The following ZNF34 variants were observed in gnomAD, a reference collection of about 807,000 sequenced individuals.
The protein encoded by ZNF34 is zinc finger protein 34.
In ZNF34, 8 loss-of-function variants were observed where a neutral mutation model predicts 14.4. The ratio of observed to expected loss-of-function variants is 0.55; its 90% CI spans 0.33 to 1.00. ZNF34 has a LOEUF of 1.00. Ranked by LOEUF, ZNF34 falls within the 50% of genes least tolerant of loss-of-function variation. The pLI, the probability that ZNF34 is intolerant of heterozygous loss-of-function variation, is 0.03. For synonymous variants in ZNF34, 235 were observed against 247.9 expected, an observed-to-expected ratio of 0.95 and a Z score of 0.49; for missense variants, 538 against 674.2, an observed-to-expected ratio of 0.80 and a Z score of 2.24.
intron 1 of ZNF34, among the ~76,000 whole-genome samples, chr8:144,780,995 G>A (rs1007252079): frequency 2.6e-5 from 4 of 151,066 alleles, no homozygotes; most frequent in Admixed American, 6.6e-5. Flanking sequence ...AATTAGCCGG[G>A]CGTGGTGGCG....
chr8:144,778,089 C>T lies in ZNF34; in HGVS notation c.109G>A (p.Gly37Ser). 5 of 1,614,058 alleles carry T rather than the reference C, an allele frequency of 3.1e-6. No homozygotes were observed. Among genetic ancestry groups the T allele is most frequent in the Non-Finnish European group, 4.2e-6 (5 of 1,179,958 alleles). The part of the protein sequence containing the change: ...EWGRLGPAQR[G>S]LYRDVMLETY... ...TCCAGCATCACGTCCCTGTAGAGGC[C>T]CCTCTGAGCAGGGCCCAGGCGGCCC... The change falls in exon 4 of 6, where the codon GGC (glycine) becomes AGC (serine). Residue 37 changes from glycine to serine, a missense_variant. By Grantham distance (56) the Gly-to-Ser change is moderately conservative. This residue lies in a region of ZNF34 where 431 missense variants were observed against 525.7 expected (regional missense o/e 0.82). Transcript: ENST00000429371.
chr8:144,774,716 A>G lies in ZNF34; in HGVS notation c.281-111T>C. ...CCAATTTGATCATCTCCAAAGTCCC[A>G]ACAGCCTTGCAAAGATAAGAGCCTG... On this transcript the variant is annotated intron_variant, in intron 5 of 5. Transcript: ENST00000429371. 3.8e-6 allele frequency: 5 copies of G among 1,304,014 alleles called. No homozygotes were observed. The South Asian group carries it at 7.2e-5, about 19-fold the overall frequency. 80.8% of individuals were successfully genotyped at this position (1,304,014 alleles called of 1,614,324 possible).
intron 1 of ZNF34, among the ~76,000 whole-genome samples, chr8:144,782,531 C>G (rs989066629): frequency 6.6e-6 from 1 of 151,274 alleles, no homozygotes; most frequent in Non-Finnish European, 1.5e-5. Flanking sequence ...AAATCAGATA[C>G]AGAATAAGAA....
In ZNF34 at chr8:144,774,568, T is replaced by C. The variant is rs1293467252; in HGVS notation, c.318A>G (p.Ser106=). 4 of 1,613,934 alleles carry C rather than the reference T, an allele frequency of 2.5e-6. No individual in the cohort carries two copies. In the South Asian group the frequency reaches 4.4e-5, roughly 18 times the overall value. Residue 106 remains serine, a synonymous_variant, in exon 6 of 6, where the codon TCA becomes TCG. Coordinates refer to ENST00000429371, the MANE Select transcript of ZNF34 (RefSeq NM_001286769.2). Reference sequence around the variant, plus strand: ...GATCTTCCTCACCAAATGTCTCCTGTGAAGTCAACTCCTTGTACTCAGTTC... The same window carrying C: ...GATCTTCCTCACCAAATGTCTCCTGCGAAGTCAACTCCTTGTACTCAGTTC... ...GTRTEYKELT[S]QETFGEEDPQ...
At chr8:144,784,111 G>A (rs949672900) in intron 1 of ZNF34, among the ~76,000 whole-genome samples, 5 of 147,396 alleles carry the variant, frequency 3.4e-5, no homozygotes, top group Admixed American at 1.4e-4. Flanking sequence ...AGTGAGCCGA[G>A]ATCACACCAC....
chr8:144,777,397 C>T lies in ZNF34; in HGVS notation c.280+61G>A. ...AACTCCTGATTCATTAATCAGACACCCTGGACCCCAATAAAGGCTCGTTCG... is the reference window on the plus strand; with the variant it reads ...AACTCCTGATTCATTAATCAGACACTCTGGACCCCAATAAAGGCTCGTTCG... On this transcript the variant is annotated intron_variant, in intron 5 of 5. Coordinates refer to ENST00000429371, the MANE Select transcript of ZNF34 (RefSeq NM_001286769.2). This position sits in a 1 kb window ranked among gnomAD's most constrained non-coding sequence, Gnocchi z 4.8. The T allele has an allele frequency of 6.5e-7, 1 of 1,535,786 alleles. No individual in the cohort carries two copies. Among genetic ancestry groups the T allele is most frequent in the Non-Finnish European group, 8.8e-7 (1 of 1,138,184 alleles).
intron 1 of ZNF34, among the ~76,000 whole-genome samples, chr8:144,785,106 C>CTAA (rs1826142330): frequency 1.0e-4 from 5 of 50,064 alleles, no homozygotes; most frequent in South Asian, 8.1e-4. Context: ...CAGACCCTGC[C>CTAA]AAAAAAAAAA....
chr8:144,772,600 C>CA lies in ZNF34; in HGVS notation c.*665dup, dbSNP rs1421824506. 6.6e-6 allele frequency among the ~76,000 whole-genome samples: 1 copy of CA among 152,232 alleles called. No homozygotes were observed. The highest frequency in any genetic ancestry group is 2.4e-5 in the African/African-American group (1 of 41,460). ...TGTCACCCAGGCTGGAGTACAGTGGCACAGTCTTGGCTCACTGCAACCTCC... is the reference window on the plus strand; with the variant it reads ...TGTCACCCAGGCTGGAGTACAGTGGCAACAGTCTTGGCTCACTGCAACCTCC... On this transcript the variant is annotated 3_prime_UTR_variant, in exon 6 of 6. Transcript: ENST00000429371.
chr8:144,774,703 T>C, intron 5 of ZNF34, 98 bp from the exon 6 acceptor site: 2 of 1,424,238 alleles, frequency 1.4e-6, no homozygotes, highest in South Asian at 1.4e-5. Flanking sequence ...AATTTGATCA[T>C]CTCCAAAGTC....
Position 144,778,422 on chromosome 8 carries a change from G to C in ZNF34, c.33+17C>G, listed in dbSNP as rs1334419487. 6.5e-7 allele frequency: 1 copy of C among 1,542,128 alleles called. No homozygotes were observed. Among genetic ancestry groups the C allele is most frequent in the Non-Finnish European group, 8.7e-7 (1 of 1,145,852 alleles). On this transcript the variant is annotated intron_variant, in intron 3 of 5. Coordinates refer to ENST00000429371, the MANE Select transcript of ZNF34 (RefSeq NM_001286769.2). ...CTGGGTAAAAACTTCACTCCTCCCAGGAGGACAGACACTCACCTGGGGTGG... is the reference window on the plus strand; with the variant it reads ...CTGGGTAAAAACTTCACTCCTCCCACGAGGACAGACACTCACCTGGGGTGG...
Position 144,772,820 on chromosome 8 carries a change from A to G in ZNF34, c.*446T>C, listed in dbSNP as rs566099996. 3.3e-5 allele frequency among the ~76,000 whole-genome samples: 5 copies of G among 152,358 alleles called. No individual in the cohort carries two copies. The highest frequency in any genetic ancestry group is 2.6e-4 in the Admixed American group (4 of 15,306). On this transcript the variant is annotated 3_prime_UTR_variant, in exon 6 of 6. Transcript: ENST00000429371. ...CTCTCAAAATGCTGGTATTACAGGCATGAGCCACCACACCTGGCCGATGCT... is the reference window on the plus strand; with the variant it reads ...CTCTCAAAATGCTGGTATTACAGGCGTGAGCCACCACACCTGGCCGATGCT...
intron 1 of ZNF34, among the ~76,000 whole-genome samples, chr8:144,782,941 T>C (rs902819992): frequency 7.3e-6 from 1 of 137,078 alleles, no homozygotes; most frequent in African/African-American, 2.8e-5. Flanking sequence ...AAAGAGTGTA[T>C]ATTTAGGGCA....
At chr8:144,784,042 C>A (rs1418153979) in intron 1 of ZNF34, among the ~76,000 whole-genome samples, 1 of 152,020 alleles carries the variant, frequency 6.6e-6, no homozygotes, top group African/African-American at 2.4e-5. Context: ...CGCCTGTAGT[C>A]CCAGCTACTC....
At chr8:144,785,601 A>C (rs1178697982) in intron 1 of ZNF34, 1 of 152,258 alleles carries the variant, frequency 6.6e-6, no homozygotes, top group Admixed American at 6.5e-5. Flanking sequence ...TTTTTTAATT[A>C]AGAAAAAATG....
chr8:144,782,534 AAT>A (rs1825950619), intron 1 of ZNF34, among the ~76,000 whole-genome samples: 1 of 151,322 alleles, frequency 6.6e-6, no homozygotes, highest in African/African-American at 2.4e-5. Context: ...TCAGATACAG[AAT>A]AAGAAAGTAA....
At chr8:144,782,078 C>T (rs1217736569) in intron 1 of ZNF34, among the ~76,000 whole-genome samples, 1 of 152,104 alleles carries the variant, frequency 6.6e-6, no homozygotes, top group East Asian at 1.9e-4. Flanking sequence ...AATCCCAGCA[C>T]TTTGGGAGGC....
In ZNF34 at chr8:144,779,396, C is replaced by T. The variant is rs1825729521; in HGVS notation, c.-55+832G>A. Among the ~76,000 whole-genome samples, 1 of 152,222 alleles carries T rather than the reference C, an allele frequency of 6.6e-6. No individual in the cohort carries two copies. Among genetic ancestry groups the T allele is most frequent in the South Asian group, 2.1e-4 (1 of 4,832 alleles). On this transcript the variant is annotated intron_variant, in intron 2 of 5. Coordinates refer to ENST00000429371, the MANE Select transcript of ZNF34 (RefSeq NM_001286769.2). This position sits in a 1 kb window ranked among gnomAD's most constrained non-coding sequence, Gnocchi z 4.1. The stretch of plus-strand genomic sequence containing the variant: ...CCTCACCTGTCTACCCTCATGTCCG[C>T]ACATCCTCACCACCTGCTTCTTTGT...
intron 1 of ZNF34, among the ~76,000 whole-genome samples, chr8:144,786,654 GA>G (rs1160475943): frequency 1.3e-5 from 2 of 150,468 alleles, no homozygotes; most frequent in Non-Finnish European, 2.9e-5. Flanking sequence ...AGAGAGAAAG[GA>G]AAGAAGGAAG....
Position 144,780,233 on chromosome 8 carries a change from A to G in ZNF34, c.-60T>C. 6.5e-7 allele frequency: 1 copy of G among 1,549,618 alleles called. No homozygotes were observed. Among genetic ancestry groups the G allele is most frequent in the Non-Finnish European group, 8.7e-7 (1 of 1,145,488 alleles). ...GTAAAATAAGATTGACTCACCTACC[A>G]GAAGCATGAGACTCTCGGATTAGAT... On this transcript the variant is annotated 5_prime_UTR_variant, in exon 2 of 6. Transcript: ENST00000429371.
Sources: gnomAD v4.1 joint callset for allele counts (sites outside exome capture counted in the v4.1 genomes callset) on GRCh38, gnomAD v4.1.1 for gene constraint, gnomAD v4.1.1 regional missense constraint, Gnocchi (gnomAD v3.1) non-coding constraint, MANE v1.5 for transcripts, NCBI Gene and HGNC (gene_info 2026-07-23, HGNC 2026-07-21) for gene names.